Variants in GALNT2 observed in about 807,000 individuals in gnomAD.
The protein encoded by GALNT2 is UDP-GalNAc:polypeptide N-acetylgalactosaminyltransferase 2.
In GALNT2, 31 loss-of-function variants were observed where a neutral mutation model predicts 81.4. The ratio of observed to expected loss-of-function variants is 0.38; its 90% CI spans 0.29 to 0.51. The LOEUF (loss-of-function observed/expected upper bound fraction) is 0.51, where lower values mean the gene tolerates loss of function less well. Ranked by LOEUF, GALNT2 falls within the 20% of genes least tolerant of loss-of-function variation. The pLI is 0.87. For synonymous variants in GALNT2, 303 were observed against 287.4 expected, an observed-to-expected ratio of 1.05 and a Z score of -0.55; for missense variants, 629 against 765.7, an observed-to-expected ratio of 0.82 and a Z score of 2.11.
At chr1:230,080,710 G>T (rs752994910) in intron 1 of GALNT2, among the ~76,000 whole-genome samples, 12 of 152,158 alleles carry the variant, frequency 7.9e-5, no homozygotes, top group Non-Finnish European at 1.6e-4. Context: ...GCAGACTCTG[G>T]GTGTGCATTC....
intron 1 of GALNT2, among the ~76,000 whole-genome samples, chr1:230,071,382 T>G (rs1034853458): frequency 6.6e-6 from 1 of 152,110 alleles, no homozygotes; most frequent in Non-Finnish European, 1.5e-5. Context: ...TGGGCAGCCA[T>G]CGGGAATGTG....
intron 3 of GALNT2, among the ~76,000 whole-genome samples, chr1:230,211,733 AT>A (rs1403971093): frequency 2.0e-5 from 3 of 152,120 alleles, no homozygotes; most frequent in Non-Finnish European, 2.9e-5. Flanking sequence ...TGATCATGCT[AT>A]TGCACTCTAG....
chr1:230,274,384 C>T (rs1046559705), intron 14 of GALNT2, 61 bp from the exon 15 acceptor site: 3 of 1,585,938 alleles, frequency 1.9e-6, no homozygotes, highest in Non-Finnish European at 1.7e-6. Flanking sequence ...CATCGATGCC[C>T]CTTCTTTCCT....
rs1663599594 is a variant in GALNT2, at chr1:230,193,686, G to T, written c.221-9451G>T. Among the ~76,000 whole-genome samples, 1 of 152,018 alleles carries T rather than the reference G, an allele frequency of 6.6e-6. No individual in the cohort carries two copies. The highest frequency in any genetic ancestry group is 1.5e-5 in the Non-Finnish European group (1 of 68,000). ...CATTATTTTAAACCAACATTTATTT[G>T]AACAAGTCATCCAAATGCAAGTAGT... On this transcript the variant is annotated intron_variant, in intron 2 of 15. Transcript: ENST00000366672. The surrounding 1 kb of genome is among the most constrained non-coding windows in gnomAD (Gnocchi z 4.3).
At chr1:230,239,059 C>T (rs1051839597) in intron 6 of GALNT2, among the ~76,000 whole-genome samples, 4 of 151,986 alleles carry the variant, frequency 2.6e-5, no homozygotes, top group Non-Finnish European at 5.9e-5. Flanking sequence ...GTGTCTGTTT[C>T]AAGAAATTTT....
chr1:230,117,131 G>T (rs1444632164), intron 1 of GALNT2, among the ~76,000 whole-genome samples: 1 of 152,222 alleles, frequency 6.6e-6, no homozygotes, highest in Non-Finnish European at 1.5e-5. Flanking sequence ...TATGGAGGTG[G>T]CTTCTTCCCT....
intron 4 of GALNT2, 58 bp from the exon 5 acceptor site, chr1:230,236,295 G>C (rs72646702): frequency 1.3e-6 from 2 of 1,548,114 alleles, no homozygotes; most frequent in Non-Finnish European, 8.9e-7. Flanking sequence ...TTCTACCCCA[G>C]GCTAAAAGTT....
chr1:230,080,159 C>T (rs1659683132), intron 1 of GALNT2, among the ~76,000 whole-genome samples: 1 of 152,144 alleles, frequency 6.6e-6, no homozygotes, highest in African/African-American at 2.4e-5. Context: ...CTTGTACTGG[C>T]CCTGGAAGGA....
intron 1 of GALNT2, among the ~76,000 whole-genome samples, chr1:230,081,328 G>A (rs1259685119): frequency 6.6e-6 from 1 of 152,108 alleles, no homozygotes; most frequent in Non-Finnish European, 1.5e-5. Context: ...AGTGTTCAGT[G>A]GCCAGGAGAT....
chr1:230,098,529 A>C (rs1435354166), intron 1 of GALNT2, among the ~76,000 whole-genome samples: 3 of 151,804 alleles, frequency 2.0e-5, no homozygotes, highest in Non-Finnish European at 4.4e-5. Context: ...ATAGAGACCT[A>C]CAAGCAGAAG....
intron 1 of GALNT2, among the ~76,000 whole-genome samples, chr1:230,096,398 G>C (rs1268948476): frequency 6.6e-6 from 1 of 152,160 alleles, no homozygotes. Context: ...GAGTCATGGG[G>C]GTGGCATGGT....
At chr1:230,120,910 C>A (rs990380393) in intron 1 of GALNT2, among the ~76,000 whole-genome samples, 5 of 152,212 alleles carry the variant, frequency 3.3e-5, no homozygotes, top group African/African-American at 1.2e-4. Flanking sequence ...TTTTGATAGG[C>A]TGAGTGGCTT....
chr1:230,262,724 A>T (rs1407581078), intron 12 of GALNT2, 59 bp downstream of exon 12: 25 of 1,396,588 alleles, frequency 1.8e-5, no homozygotes, highest in Non-Finnish European at 2.4e-5. Context: ...TGGGGGTGGG[A>T]GGTAAGGGGC....
intron 1 of GALNT2, among the ~76,000 whole-genome samples, chr1:230,097,387 T>C (rs1447785046): frequency 6.6e-6 from 1 of 152,182 alleles, no homozygotes; most frequent in Non-Finnish European, 1.5e-5. Context: ...TCTGTGCCCA[T>C]TAAACACAAC....
chr1:230,111,315 CACAT>C (rs1193406399), intron 1 of GALNT2, among the ~76,000 whole-genome samples: 1 of 152,252 alleles, frequency 6.6e-6, no homozygotes, highest in Non-Finnish European at 1.5e-5. Flanking sequence ...TGTTTGCAGG[CACAT>C]ACATGTTCAC....
At chr1:230,088,828 C>T (rs973465020) in intron 1 of GALNT2, among the ~76,000 whole-genome samples, 3 of 151,626 alleles carry the variant, frequency 2.0e-5, no homozygotes, top group Non-Finnish European at 4.4e-5. Context: ...TGAGCCACCG[C>T]GCCCGGCCAC....
chr1:230,253,657 C>G (rs1665618136), intron 10 of GALNT2, among the ~76,000 whole-genome samples: 1 of 152,194 alleles, frequency 6.6e-6, no homozygotes, highest in Admixed American at 6.5e-5. Flanking sequence ...TATCCATCAT[C>G]TCAAACATGT....
intron 1 of GALNT2, among the ~76,000 whole-genome samples, chr1:230,152,693 G>A (rs907844553): frequency 7.2e-5 from 11 of 152,218 alleles, no homozygotes; most frequent in Admixed American, 1.3e-4. Flanking sequence ...GAGAGAACTA[G>A]ATAATCCTTC....
At position 230,243,481 on chromosome 1, in the gene GALNT2, G is replaced by T; in HGVS notation, c.729+54G>T. Reference sequence around the variant, plus strand: ...CAGGTCGTGGGTGGTTGGTAGAGGGGACAGAAGGGAGCATGGTCCAGGGGA... The same window carrying T: ...CAGGTCGTGGGTGGTTGGTAGAGGGTACAGAAGGGAGCATGGTCCAGGGGA... On this transcript the variant is annotated intron_variant, in intron 7 of 15. Transcript: ENST00000366672. The surrounding 1 kb of genome is among the most constrained non-coding windows in gnomAD (Gnocchi z 4.2). The T allele has an allele frequency of 2.5e-6, 4 of 1,597,482 alleles. No individual in the cohort carries two copies. The highest frequency in any genetic ancestry group is 1.3e-5 in the African/African-American group (1 of 74,804).
Sources: gnomAD v4.1 joint callset for allele counts (sites outside exome capture counted in the v4.1 genomes callset) on GRCh38, gnomAD v4.1.1 for gene constraint, Gnocchi (gnomAD v3.1) non-coding constraint, MANE v1.5 for transcripts, NCBI Gene and HGNC (gene_info 2026-07-23, HGNC 2026-07-21) for gene names.